The following C10orf143 variants were observed in gnomAD, a reference collection of about 807,000 sequenced individuals.
C10orf143 encodes chromosome 10 open reading frame 143, also known as uncharacterized protein C10orf143.
In C10orf143 at chr10:130,041,055, C is replaced by T. The variant is rs1032072046; in HGVS notation, c.298-5085G>A. ...CCTGACAGGTGGGTGGGAGGGGCTG[C>T]GCCATCCTAATGGTATCACCTCTTC... On this transcript the variant is annotated intron_variant and NMD_transcript_variant, in intron 3 of 5. Transcript: ENST00000643056. Among the ~76,000 whole-genome samples the T allele has an allele frequency of 3.3e-5, 5 of 152,280 alleles. No individual in the cohort carries two copies. The East Asian group carries it at 7.7e-4, about 24-fold the overall frequency.
At chr10:130,107,871 C>T (rs753696193) in intron 1 of C10orf143, 11 of 1,264,888 alleles carry the variant, frequency 8.7e-6, no homozygotes, top group African/African-American at 4.4e-5. Flanking sequence ...CCTCCACCAG[C>T]GCAATCATAT....
chr10:130,076,195 G>C (rs1393936026), intron 3 of C10orf143, among the ~76,000 whole-genome samples: 4 of 152,092 alleles, frequency 2.6e-5, no homozygotes, highest in Non-Finnish European at 5.9e-5. Context: ...TCACCAGGAG[G>C]ACAAAGGGAG....
chr10:130,062,148 C>T (rs993946616), downstream of C10orf143, among the ~76,000 whole-genome samples: 1 of 152,156 alleles, frequency 6.6e-6, no homozygotes, highest in Non-Finnish European at 1.5e-5. Context: ...TGGCTGAAAA[C>T]ACCAAGAAAA....
At chr10:130,053,058 T>TTTTG (rs3041743) in intron 3 of C10orf143, among the ~76,000 whole-genome samples, 126,017 of 150,990 alleles carry the variant, frequency 0.83, 53,952 homozygotes, top group Non-Finnish European at 0.93. Context: ...TCTAAGTGTT[T>TTTTG]TTTGTTTGTT....
chr10:130,107,666 G>A lies in C10orf143; in HGVS notation c.69+3038C>T, dbSNP rs550095907. The A allele has an allele frequency of 7.7e-4, 1,008 of 1,308,534 alleles. 4 individuals are homozygous for A. In the Middle Eastern group the frequency reaches 0.01, roughly 13 times the overall value. 81.1% of individuals were successfully genotyped at this position (1,308,534 alleles called of 1,614,324 possible). ...TCTCTCTCCCGCAACTCTGTTGGAG[G>A]GTCCACTCAGACTCTCACCTTTGCC... On this transcript the variant is annotated intron_variant, in intron 1 of 3. Transcript: ENST00000637128.
intron 3 of C10orf143, among the ~76,000 whole-genome samples, chr10:130,057,056 A>AT (rs11435950): frequency 0.11 from 15,034 of 133,480 alleles, 892 homozygotes; most frequent in South Asian, 0.2. Context: ...AGGCCCAGCT[A>AT]TTTTTTTTTT....
Position 130,056,883 on chromosome 10 carries a change from G to T in C10orf143, c.298-20913C>A, listed in dbSNP as rs1860803512. On this transcript the variant is annotated intron_variant and NMD_transcript_variant, in intron 3 of 5. Coordinates refer to the C10orf143 transcript ENST00000643056. The surrounding 1 kb of genome is among the most constrained non-coding windows in gnomAD (Gnocchi z 4.6). ...TGGGATTACAGGCGTGAGCCACTGT[G>T]CCCGGCCAGTTGCTTTCATTTTTTA... Among the ~76,000 whole-genome samples the T allele has an allele frequency of 1.3e-5, 2 of 150,092 alleles. No homozygotes were observed. The highest frequency in any genetic ancestry group is 4.2e-4 in the South Asian group (2 of 4,744).
At position 130,064,030 on chromosome 10, in the gene C10orf143, T is replaced by C. The variant is rs955224837; in HGVS notation, c.*324A>G. On this transcript the variant is annotated 3_prime_UTR_variant, in exon 4 of 4. Coordinates refer to ENST00000637128, the MANE Select transcript of C10orf143 (RefSeq NM_001355042.2). ...CATAGGCCATGAGTGCCCAAGCTCA[T>C]AGGAAGTTTGATACAAAATTTTTTG... The C allele has an allele frequency of 8.5e-6, 2 of 235,802 alleles. No homozygotes were observed. The highest frequency in any genetic ancestry group is 4.5e-5 in the African/African-American group (2 of 44,760). 14.6% of individuals were successfully genotyped at this position (235,802 alleles called of 1,614,324 possible).
At position 130,110,685 on chromosome 10, in the gene C10orf143, C is replaced by T; in HGVS notation, c.69+19G>A. ...CCATCCGCCCTCCCGTCCCTAACGC[C>T]CAGGCCCCGGGGGCTCACCACGTCC... On this transcript the variant is annotated intron_variant, in intron 1 of 3. Transcript: ENST00000637128. 2 of 398,804 alleles carry T rather than the reference C, an allele frequency of 5.0e-6. No homozygotes were observed. Among genetic ancestry groups the T allele is most frequent in the Non-Finnish European group, 8.8e-6 (2 of 226,046 alleles). The allele number at this position is 398,804 out of a possible 1,614,324, so 24.7% of individuals were successfully genotyped here. A position where few individuals can be genotyped will look rare whatever the true frequency, so the allele number is the denominator to read the frequency against.
chr10:130,107,694 C>G, intron 1 of C10orf143: 1 of 1,275,668 alleles, frequency 7.8e-7, no homozygotes, highest in South Asian at 1.2e-5. Flanking sequence ...CCTTTGCCTC[C>G]AGGGGGGGAA....
chr10:130,052,207 G>T (rs541029644), intron 3 of C10orf143, among the ~76,000 whole-genome samples: 23 of 150,616 alleles, frequency 1.5e-4, no homozygotes, highest in African/African-American at 5.4e-4. Flanking sequence ...CTCTACTTTT[G>T]CCCTGGGTTA....
intron 1 of C10orf143, among the ~76,000 whole-genome samples, chr10:130,096,782 A>G (rs1042294400): frequency 1.3e-5 from 2 of 149,246 alleles, no homozygotes; most frequent in Non-Finnish European, 3.0e-5. Context: ...GCAAACCACC[A>G]TGGCACGTGT....
chr10:130,037,445 G>T (rs1860557225), intron 3 of C10orf143, among the ~76,000 whole-genome samples: 1 of 152,178 alleles, frequency 6.6e-6, no homozygotes, highest in Non-Finnish European at 1.5e-5. Flanking sequence ...GCCTGCTGTG[G>T]GTGGACCAGG....
At chr10:130,106,851 A>G in intron 1 of C10orf143, 1 of 1,143,378 alleles carries the variant, frequency 8.7e-7, no homozygotes, top group Non-Finnish European at 1.3e-6. Context: ...ACTCTGACTG[A>G]ACATTTGCTA....
chr10:130,076,591 C>T (rs1190004571), intron 3 of C10orf143, among the ~76,000 whole-genome samples: 1 of 152,176 alleles, frequency 6.6e-6, no homozygotes, highest in Non-Finnish European at 1.5e-5. Context: ...ATCATATCTC[C>T]CCTCAACCAA....
intron 1 of C10orf143, among the ~76,000 whole-genome samples, chr10:130,110,048 C>G (rs1173486341): frequency 6.6e-6 from 1 of 152,132 alleles, no homozygotes; most frequent in African/African-American, 2.4e-5. Context: ...ACGCTAAGCT[C>G]CTTCCTCCAA....
At chr10:130,054,742 C>T (rs575947040) in intron 3 of C10orf143, among the ~76,000 whole-genome samples, 2 of 152,246 alleles carry the variant, frequency 1.3e-5, no homozygotes, top group South Asian at 2.1e-4. Flanking sequence ...ATTTGCAATG[C>T]CCTGATGAGT....
chr10:130,050,445 A>G (rs1860724137), intron 3 of C10orf143, among the ~76,000 whole-genome samples: 1 of 152,228 alleles, frequency 6.6e-6, no homozygotes, highest in Non-Finnish European at 1.5e-5. Context: ...GGTCCCAGCT[A>G]CATGGGAGGT....
At chr10:130,101,874 A>AAAAAAAAAAAAAAAAAAAC (rs1861561538) in intron 1 of C10orf143, among the ~76,000 whole-genome samples, 1 of 141,288 alleles carries the variant, frequency 7.1e-6, no homozygotes, top group African/African-American at 2.7e-5. Context: ...CCAAAAAAAA[A>AAAAAAAAAAAAAAAAAAAC]AAAAAAAAAA....
Sources: allele counts gnomAD v4.1 joint callset (sites outside exome capture counted in the v4.1 genomes callset), GRCh38; gene constraint gnomAD v4.1.1; non-coding constraint Gnocchi (gnomAD v3.1); transcripts MANE v1.5; gene names NCBI Gene and HGNC (gene_info 2026-07-23, HGNC 2026-07-21).